The following GRM7 variants were observed in gnomAD, a reference collection of about 807,000 sequenced individuals.
The protein encoded by GRM7 is metabotropic glutamate receptor 7.
Under a neutral mutation model 84.5 loss-of-function variants are expected in GRM7, and 35 were observed. The observed-to-expected ratio is 0.41, with a 90% confidence interval of 0.32 to 0.55. The LOEUF is 0.55. Among genes scored for constraint, GRM7 ranks in the 20% least tolerant of loss-of-function variants. The pLI, the probability that GRM7 is intolerant of heterozygous loss-of-function variation, is 0.19. For missense variants in GRM7, 1,003 were observed against 1,194.6 expected, an observed-to-expected ratio of 0.84 and a Z score of 2.36; for synonymous variants, 487 against 455.1, an observed-to-expected ratio of 1.07 and a Z score of -0.89.
At chr3:7,545,356 G>A (rs562316160) in intron 7 of GRM7, among the ~76,000 whole-genome samples, 1 of 152,216 alleles carries the variant, frequency 6.6e-6, no homozygotes, top group African/African-American at 2.4e-5. Context: ...GAATTAAAAT[G>A]TAGGGTTTAA....
intron 1 of GRM7, among the ~76,000 whole-genome samples, chr3:7,142,106 A>C (rs755068820): frequency 2.0e-5 from 3 of 152,098 alleles, no homozygotes; most frequent in Non-Finnish European, 4.4e-5. Context: ...TAAATATTTA[A>C]CAATGAATGT....
intron 1 of GRM7, among the ~76,000 whole-genome samples, chr3:6,870,706 G>T (rs1695093547): frequency 6.6e-6 from 1 of 152,038 alleles, no homozygotes; most frequent in South Asian, 2.1e-4. Context: ...TTCTAAGAAG[G>T]GATACGTTTT....
intron 7 of GRM7, among the ~76,000 whole-genome samples, chr3:7,471,676 G>A (rs776075561): frequency 2.0e-5 from 3 of 152,198 alleles, no homozygotes; most frequent in South Asian, 2.1e-4. Context: ...CTACTTTGAG[G>A]TAGGTAACCG....
chr3:7,029,356 A>C (rs1316931956), intron 1 of GRM7, among the ~76,000 whole-genome samples: 2 of 151,894 alleles, frequency 1.3e-5, no homozygotes, highest in Non-Finnish European at 2.9e-5. Flanking sequence ...ATAAGCAGTT[A>C]TACTTCTGGG....
chr3:7,389,109 T>C (rs1198929786), intron 4 of GRM7, among the ~76,000 whole-genome samples: 1 of 152,182 alleles, frequency 6.6e-6, no homozygotes. Context: ...ACAATTTTTA[T>C]CTCTGCCTTA....
At chr3:7,173,590 C>G (rs922133695) in intron 2 of GRM7, among the ~76,000 whole-genome samples, 1 of 152,150 alleles carries the variant, frequency 6.6e-6, no homozygotes, top group Non-Finnish European at 1.5e-5. Flanking sequence ...TCCACATTGC[C>G]TATTTTGGGT....
Position 7,229,739 on chromosome 3 carries a change from ATATATATATATATATATATAT to A in GRM7, c.737-68943_737-68923del, listed in dbSNP as rs1559514550. Reference sequence around the variant, plus strand: ...CATAGACACACACATATATATATATATATATATATATATATATATATTTTTTTTTTTTTTTGGTTGACAGGT... The same window carrying A: ...CATAGACACACACATATATATATATATTTTTTTTTTTTTTGGTTGACAGGT... On this transcript the variant is annotated intron_variant, in intron 2 of 9. Coordinates refer to ENST00000357716, the MANE Select transcript of GRM7 (RefSeq NM_000844.4). 6.9e-4 allele frequency among the ~76,000 whole-genome samples: 18 copies of A among 26,244 alleles called. 1 individual carries two copies. Among genetic ancestry groups the A allele is most frequent in the East Asian group, 3.8e-3 (2 of 524 alleles). 17.2% of individuals were successfully genotyped at this position (26,244 alleles called of 152,430 possible).
intron 8 of GRM7, among the ~76,000 whole-genome samples, chr3:7,656,512 A>AAATATATATAT (rs1425575927): frequency 1.7e-4 from 12 of 72,134 alleles, no homozygotes. Flanking sequence ...CAAACAAACA[A>AAATATATATAT]ATAAAAAAAA....
intron 4 of GRM7, among the ~76,000 whole-genome samples, chr3:7,377,984 A>C (rs974506522): frequency 2.0e-5 from 3 of 152,168 alleles, no homozygotes; most frequent in African/African-American, 7.2e-5. Flanking sequence ...TTCATTTCCC[A>C]GAATGTAGTC....
intron 1 of GRM7, among the ~76,000 whole-genome samples, chr3:7,056,884 T>C (rs1471974527): frequency 6.6e-6 from 1 of 151,988 alleles, no homozygotes; most frequent in Non-Finnish European, 1.5e-5. Flanking sequence ...ACTTAGTGCT[T>C]GATTTTGCTG....
intron 1 of GRM7, among the ~76,000 whole-genome samples, chr3:6,934,849 T>C (rs1697632345): frequency 6.6e-6 from 1 of 152,162 alleles, no homozygotes. Context: ...ATGTTTACAT[T>C]ATGCCCTGAG....
chr3:7,490,357 C>T (rs541648344), intron 7 of GRM7, among the ~76,000 whole-genome samples: 1 of 152,200 alleles, frequency 6.6e-6, no homozygotes, highest in African/African-American at 2.4e-5. Context: ...AATATATGAA[C>T]TGAAGAGGCA....
chr3:6,921,837 A>C (rs3846162), intron 1 of GRM7, among the ~76,000 whole-genome samples: 19,476 of 151,948 alleles, frequency 0.13, 2,512 homozygotes, highest in East Asian at 0.35. Flanking sequence ...TCTCCCCCCA[A>C]ATCACAGATG....
chr3:7,317,743 C>T (rs1212617676), intron 4 of GRM7, among the ~76,000 whole-genome samples: 1 of 151,100 alleles, frequency 6.6e-6, no homozygotes, highest in Non-Finnish European at 1.5e-5. Flanking sequence ...GTTTTTTAGC[C>T]CTAGAATTCT....
intron 1 of GRM7, among the ~76,000 whole-genome samples, chr3:7,064,690 CT>C (rs1244219729): frequency 2.6e-4 from 40 of 151,160 alleles, no homozygotes; most frequent in African/African-American, 9.4e-4. Context: ...ATAGTGTCTT[CT>C]TTTCCTCTGG....
chr3:6,933,474 C>A (rs996903786), intron 1 of GRM7, among the ~76,000 whole-genome samples: 1 of 152,112 alleles, frequency 6.6e-6, no homozygotes, highest in African/African-American at 2.4e-5. Context: ...TGAAAGACAT[C>A]TAATGAATTT....
chr3:7,481,777 A>G (rs1176572105), intron 7 of GRM7, among the ~76,000 whole-genome samples: 1 of 152,232 alleles, frequency 6.6e-6, no homozygotes, highest in Non-Finnish European at 1.5e-5. Flanking sequence ...GAACATAGAG[A>G]TATTCTCAAT....
chr3:7,595,433 T>C (rs897636217), intron 8 of GRM7, among the ~76,000 whole-genome samples: 3 of 152,218 alleles, frequency 2.0e-5, no homozygotes, highest in African/African-American at 7.2e-5. Context: ...TGTCAAATCC[T>C]TGTTGAACAT....
At chr3:7,436,272 T>C (rs1406802712) in intron 5 of GRM7, among the ~76,000 whole-genome samples, 1 of 152,182 alleles carries the variant, frequency 6.6e-6, no homozygotes, top group Non-Finnish European at 1.5e-5. Context: ...GTTTATAGTT[T>C]TTTTCTTCTT....
Sources: gnomAD v4.1 joint callset for allele counts (sites outside exome capture counted in the v4.1 genomes callset) on GRCh38, gnomAD v4.1.1 for gene constraint, MANE v1.5 for transcripts, NCBI Gene and HGNC (gene_info 2026-07-23, HGNC 2026-07-21) for gene names.